Variants in KCNT1 observed in about 807,000 individuals in gnomAD.
The protein encoded by KCNT1 is potassium sodium-activated channel subfamily T member 1, also known as potassium channel subfamily T member 1.
KCNT1 carries 78 observed loss-of-function variants against 147.8 expected under a neutral mutation model. That is an observed-to-expected ratio of 0.53 (90% confidence interval 0.44 to 0.64). The LOEUF is 0.64. Ranked by LOEUF, KCNT1 falls within the 30% of genes least tolerant of loss-of-function variation. KCNT1 has a pLI of 0.00. For missense variants in KCNT1, 1,419 were observed against 1,750.3 expected (o/e 0.81, Z 3.38); for synonymous variants, 867 against 748.8 (o/e 1.16, Z -2.58).
At chr9:135,744,170 G>C (rs189686570) in intron 2 of KCNT1, among the ~76,000 whole-genome samples, 2 of 152,246 alleles carry the variant, frequency 1.3e-5, no homozygotes, top group Non-Finnish European at 2.9e-5. Flanking sequence ...GGAGCTTCCC[G>C]GCATGGCCAT....
At chr9:135,785,737 C>G in intron 28 of KCNT1, 1 of 456,746 alleles carries the variant, frequency 2.2e-6, no homozygotes, top group Non-Finnish European at 4.0e-6. Context: ...CTCTGGCACC[C>G]CACGTTCCCC....
At chr9:135,765,822 C>T in intron 13 of KCNT1, 62 bp downstream of exon 13, 1 of 1,459,704 alleles carries the variant, frequency 6.9e-7, no homozygotes. Context: ...GTCGGCTGCT[C>T]AGGGCTGAGG....
At chr9:135,774,234 G>T (rs1417405094) in intron 19 of KCNT1, among the ~76,000 whole-genome samples, 8 of 150,698 alleles carry the variant, frequency 5.3e-5, no homozygotes, top group Admixed American at 1.3e-4. Flanking sequence ...TGTGTTGTGT[G>T]TGGTGTGTGT....
chr9:135,751,955 A>G (rs1312865444), intron 4 of KCNT1: 1 of 172,218 alleles, frequency 5.8e-6, no homozygotes, highest in African/African-American at 2.4e-5. Context: ...CCTTCCGAAG[A>G]TGGTGTCTCC....
chr9:135,750,262 GC>G, intron 3 of KCNT1, 85 bp downstream of exon 3: 1 of 1,135,108 alleles, frequency 8.8e-7, no homozygotes. Flanking sequence ...GAAGGCTGGG[GC>G]TGTGAGCTCA....
At chr9:135,704,361 AC>A (rs1564306917) in intron 1 of KCNT1, among the ~76,000 whole-genome samples, 3 of 152,204 alleles carry the variant, frequency 2.0e-5, no homozygotes, top group African/African-American at 7.2e-5. Flanking sequence ...CCCCAGCTCC[AC>A]GCTAGTGGTG....
At chr9:135,703,856 A>G (rs758459836) in intron 1 of KCNT1, among the ~76,000 whole-genome samples, 17 of 151,998 alleles carry the variant, frequency 1.1e-4, no homozygotes, top group African/African-American at 3.4e-4. Flanking sequence ...GTCTCTCCCA[A>G]TTGGCCCTGC....
In KCNT1 at chr9:135,771,157, G is replaced by A. The variant is rs565229373; in HGVS notation, c.2008+62G>A. On this transcript the variant is annotated intron_variant, in intron 18 of 30. Coordinates refer to ENST00000371757, the MANE Select transcript of KCNT1 (RefSeq NM_020822.3). ...GCTCCTTTGGCGGGAGACCAGGCGG[G>A]ACACCGGCAGGTGACCAGGTGGGAT... The A allele has an allele frequency of 1.1e-5, 16 of 1,460,620 alleles. No homozygotes were observed. In the South Asian group the frequency reaches 1.9e-4, roughly 17 times the overall value. The allele number at this position is 1,460,620 out of a possible 1,614,324, so 90.5% of individuals were successfully genotyped here.
intron 29 of KCNT1, 36 bp downstream of exon 29, chr9:135,786,557 C>T (rs575618988): frequency 1.8e-5 from 28 of 1,523,604 alleles, no homozygotes; most frequent in Admixed American, 1.4e-4. Context: ...GCCGGACGGA[C>T]GGACTGGGCC....
At position 135,702,399 on chromosome 9, in the gene KCNT1, G is replaced by A. The variant is rs752595121; in HGVS notation, c.110+31G>A. ...GTCTGCTGCGCCCTCCCCACGCGGG[G>A]AGGCCCCGGTCTAACCTAAGACCCC... On this transcript the variant is annotated intron_variant, in intron 1 of 30. Transcript: ENST00000371757. 2.0e-6 allele frequency: 3 copies of A among 1,530,354 alleles called. No individual in the cohort carries two copies. In the African/African-American group the frequency reaches 4.7e-5, roughly 24 times the overall value. The allele number at this position is 1,530,354 out of a possible 1,614,324, so 94.8% of individuals were successfully genotyped here. A position where few individuals can be genotyped will look rare whatever the true frequency, so the allele number is the denominator to read the frequency against.
chr9:135,702,429 T>G lies in KCNT1; in HGVS notation c.110+61T>G, dbSNP rs1835071320. 37 of 1,316,486 alleles carry G rather than the reference T, an allele frequency of 2.8e-5. 1 individual carries two copies. Among genetic ancestry groups the G allele is most frequent in the Admixed American group, 5.1e-5 (3 of 58,524 alleles). 81.6% of individuals were successfully genotyped at this position (1,316,486 alleles called of 1,614,324 possible). A position where few individuals can be genotyped will look rare whatever the true frequency, so the allele number is the denominator to read the frequency against. ...CCCGGTCTAACCTAAGACCCCCAAG[T>G]TCCCCCTCAGGCTCCCGCACCCTCC... On this transcript the variant is annotated intron_variant, in intron 1 of 30. Coordinates refer to ENST00000371757, the MANE Select transcript of KCNT1 (RefSeq NM_020822.3).
intron 11 of KCNT1, among the ~76,000 whole-genome samples, chr9:135,763,777 G>A (rs1832070304): frequency 6.6e-6 from 1 of 152,144 alleles, no homozygotes; most frequent in African/African-American, 2.4e-5. Context: ...GCGAGGTTCT[G>A]GGCAGATAGG....
Position 135,757,308 on chromosome 9 carries a change from C to T in KCNT1, c.686C>T (p.Pro229Leu), listed in dbSNP as rs779498481. ...CTGTCCCCTTCACAGATCTTCTGGC[C>T]GCCGCTGCGGAACCTGTTCATCCCC... Reference protein sequence around the residue: ...TLPFIITIFWPPLRNLFIPVF... With the variant: ...TLPFIITIFWLPLRNLFIPVF... Residue 229 changes from proline (P) to leucine (L), a missense_variant, in exon 9 of 31, where the codon CCG becomes CTG. Transcript: ENST00000371757. 7 of 1,612,272 alleles carry T rather than the reference C, an allele frequency of 4.3e-6. No individual in the cohort carries two copies. Among genetic ancestry groups the T allele is most frequent in the East Asian group, 2.2e-5 (1 of 44,860 alleles).
At chr9:135,763,488 C>T (rs1343293358) in intron 11 of KCNT1, among the ~76,000 whole-genome samples, 2 of 152,196 alleles carry the variant, frequency 1.3e-5, no homozygotes, top group Non-Finnish European at 2.9e-5. Flanking sequence ...ATGTATCCTC[C>T]GCCAGCCCTG....
chr9:135,775,167 C>T, intron 19 of KCNT1, 143 bp from the exon 20 acceptor site: 2 of 567,398 alleles, frequency 3.5e-6, no homozygotes, highest in Non-Finnish European at 6.2e-6. Context: ...GAACGGGCCA[C>T]CTTGGGTCAG....
chr9:135,754,912 C>T (rs1831385849), intron 5 of KCNT1, among the ~76,000 whole-genome samples: 1 of 152,208 alleles, frequency 6.6e-6, no homozygotes, highest in African/African-American at 2.4e-5. Flanking sequence ...CTGCTGCAGT[C>T]CTGCTCCATC....
chr9:135,725,047 C>T (rs1836076015), intron 2 of KCNT1, among the ~76,000 whole-genome samples: 1 of 152,228 alleles, frequency 6.6e-6, no homozygotes, highest in African/African-American at 2.4e-5. Flanking sequence ...CAGGAGGCAA[C>T]TGCGTGGGGG....
chr9:135,752,467 C>G lies in KCNT1; in HGVS notation c.434+1426C>G. The G allele has an allele frequency of 2.2e-6, 1 of 456,296 alleles. No homozygotes were observed. Among genetic ancestry groups the G allele is most frequent in the South Asian group, 1.5e-5 (1 of 64,528 alleles). 28.3% of individuals were successfully genotyped at this position (456,296 alleles called of 1,614,324 possible). A position where few individuals can be genotyped will look rare whatever the true frequency, so the allele number is the denominator to read the frequency against. The stretch of plus-strand genomic sequence containing the variant: ...CAAGCTACTTTCCTAGGTCACTCCC[C>G]ACCCCAAGTCCCAGGGTCCCCTGGG... On this transcript the variant is annotated intron_variant, in intron 4 of 30. Coordinates refer to ENST00000371757, the MANE Select transcript of KCNT1 (RefSeq NM_020822.3). The surrounding 1 kb of genome is among the most constrained non-coding windows in gnomAD (Gnocchi z 5.1).
Position 135,771,031 on chromosome 9 carries a change from C to T in KCNT1, c.1944C>T (p.Phe648=). 1 of 1,613,388 alleles carries T rather than the reference C, an allele frequency of 6.2e-7. No homozygotes were observed. The change falls in exon 18 of 31, where the codon TTC becomes TTT. Residue 648 remains phenylalanine, a synonymous_variant. Transcript: ENST00000371757. ...AGGAGAAGCGGAAGAAGAGGGCCTTCTCGGGGCAGGGGCTGCACGAGGGTC... is the reference window on the plus strand; with the variant it reads ...AGGAGAAGCGGAAGAAGAGGGCCTTTTCGGGGCAGGGGCTGCACGAGGGTC... ...KQEEKRKKRA[F]SGQGLHEGPA...
Sources: allele counts gnomAD v4.1 joint callset (sites outside exome capture counted in the v4.1 genomes callset), GRCh38; gene constraint gnomAD v4.1.1; non-coding constraint Gnocchi (gnomAD v3.1); transcripts MANE v1.5; gene names NCBI Gene and HGNC (gene_info 2026-07-23, HGNC 2026-07-21).